PIBF1: variants seen among roughly 807,000 people sequenced by gnomAD.
The protein encoded by PIBF1 is progesterone-induced-blocking factor 1.
In PIBF1, 90 loss-of-function variants were observed where a neutral mutation model predicts 112.5. The observed-to-expected ratio is 0.80, with a 90% confidence interval of 0.67 to 0.95. The LOEUF (loss-of-function observed/expected upper bound fraction) is 0.95, where lower values mean the gene tolerates loss of function less well. Ranked by LOEUF, PIBF1 falls within the 40% of genes least tolerant of loss-of-function variation. The pLI, the probability that PIBF1 is intolerant of heterozygous loss-of-function variation, is 0.00. For synonymous variants in PIBF1, 301 were observed against 288.6 expected (o/e 1.04, Z -0.44); for missense variants, 915 against 852.3 (o/e 1.07, Z -0.92).
chr13:72,930,019 C>G (rs1184328351), intron 13 of PIBF1, among the ~76,000 whole-genome samples: 1 of 152,010 alleles, frequency 6.6e-6, no homozygotes, highest in Non-Finnish European at 1.5e-5. Context: ...ACCATCATGC[C>G]CAGCTAATTT....
At chr13:72,955,081 T>C (rs2042405460) in intron 14 of PIBF1, among the ~76,000 whole-genome samples, 1 of 152,212 alleles carries the variant, frequency 6.6e-6, no homozygotes, top group Non-Finnish European at 1.5e-5. Context: ...CTGTTACTTA[T>C]TTTTGAGGTT....
intron 3 of PIBF1, 66 bp from the exon 4 acceptor site, chr13:72,795,293 A>G (rs1459323206): frequency 1.0e-6 from 1 of 980,104 alleles, no homozygotes; most frequent in Non-Finnish European, 1.6e-6. Flanking sequence ...TATAAATAGG[A>G]AACTGTGAGA....
intron 9 of PIBF1, among the ~76,000 whole-genome samples, chr13:72,850,073 CTA>C (rs1320628170): frequency 4.6e-5 from 7 of 152,286 alleles, no homozygotes; most frequent in African/African-American, 1.7e-4. Flanking sequence ...AATAAAGTAT[CTA>C]TTTCTTATAA....
At chr13:72,878,593 T>G (rs2138479438) in intron 10 of PIBF1, among the ~76,000 whole-genome samples, 1 of 152,174 alleles carries the variant, frequency 6.6e-6, no homozygotes, top group East Asian at 1.9e-4. Flanking sequence ...CGTGTGAGCT[T>G]TAAAAGAATA....
At chr13:72,908,177 A>G (rs932593273) in intron 11 of PIBF1, among the ~76,000 whole-genome samples, 6 of 152,186 alleles carry the variant, frequency 3.9e-5, no homozygotes, top group African/African-American at 7.2e-5. Flanking sequence ...GCCTCTGTCA[A>G]ATGGCTTTGA....
At position 72,821,942 on chromosome 13, in the gene PIBF1, C is replaced by T; in HGVS notation, c.766C>T (p.Gln256Ter). 1 of 1,612,532 alleles carries T rather than the reference C, an allele frequency of 6.2e-7. No homozygotes were observed. The highest frequency in any genetic ancestry group is 8.5e-7 in the Non-Finnish European group (1 of 1,179,132). The change falls in exon 6 of 18, where the codon CAA becomes TAA. Residue 256 changes from glutamine to a stop codon, truncating the protein, a stop_gained. Coordinates refer to ENST00000326291, the MANE Select transcript of PIBF1 (RefSeq NM_006346.4). LOFTEE classifies it high-confidence loss of function. ...AGCAGACACAAAACAGTTAATTCAG[C>T]AAGGTGACTACCGTCAAGAGAACTA... ...ELADTKQLIQQGDYRQENYDK... is the reference protein window; with the variant it reads ...ELADTKQLIQ
At position 73,016,358 on chromosome 13, in the gene PIBF1, A is replaced by T. The variant is rs2044381068; in HGVS notation, c.*439A>T. On this transcript the variant is annotated 3_prime_UTR_variant, in exon 18 of 18. Transcript: ENST00000326291. ...GTGGTCAGATACCATGTAGATGGAT[A>T]CAGATTGTTGACTCTTTTGAAGTTG... 1 of 152,246 alleles carries T rather than the reference A, an allele frequency of 6.6e-6. No individual in the cohort carries two copies. Among genetic ancestry groups the T allele is most frequent in the Non-Finnish European group, 1.5e-5 (1 of 68,062 alleles). 9.4% of individuals were successfully genotyped at this position (152,246 alleles called of 1,614,324 possible).
intron 2 of PIBF1, 90 bp downstream of exon 2, chr13:72,783,811 TTGAAA>T (rs749204170): frequency 3.6e-5 from 41 of 1,135,030 alleles, no homozygotes; most frequent in Non-Finnish European, 5.0e-5. Context: ...TTATCTGAAC[TTGAAA>T]TGATACATTT....
At chr13:72,942,193 A>G (rs1425559936) in intron 14 of PIBF1, among the ~76,000 whole-genome samples, 1 of 149,420 alleles carries the variant, frequency 6.7e-6, no homozygotes, top group Non-Finnish European at 1.5e-5. Flanking sequence ...TCACATACCT[A>G]CCATGTGGCC....
intron 8 of PIBF1, among the ~76,000 whole-genome samples, chr13:72,830,637 GT>G: frequency 6.6e-6 from 1 of 152,254 alleles, no homozygotes; most frequent in South Asian, 2.1e-4. Flanking sequence ...CTTGATCATG[GT>G]GGATAAGCTT....
chr13:72,859,800 C>T (rs944001474), intron 10 of PIBF1, among the ~76,000 whole-genome samples: 3 of 152,060 alleles, frequency 2.0e-5, no homozygotes, highest in African/African-American at 7.2e-5. Flanking sequence ...AATTACCTTA[C>T]CTATAGAATT....
In PIBF1 at chr13:72,922,184, C is replaced by A. The variant is rs532479857; in HGVS notation, c.1730+5018C>A. 5.9e-5 allele frequency among the ~76,000 whole-genome samples: 9 copies of A among 151,990 alleles called. No individual in the cohort carries two copies. In the South Asian group the frequency reaches 1.7e-3, roughly 28 times the overall value. On this transcript the variant is annotated intron_variant, in intron 13 of 17. Transcript: ENST00000326291. ...GTAGAGACAGGGTCTTGCTGTGTTG[C>A]CCAGGCTGGTCTGGAGCTCCTGGCC...
chr13:72,986,701 T>TG (rs1491442815), intron 16 of PIBF1, among the ~76,000 whole-genome samples: 3 of 114,158 alleles, frequency 2.6e-5, no homozygotes, highest in African/African-American at 1.3e-4. Context: ...TTTTTTTTTT[T>TG]GAGACAGAGT....
intron 5 of PIBF1, among the ~76,000 whole-genome samples, chr13:72,814,896 G>A (rs1344922232): frequency 1.3e-5 from 2 of 152,166 alleles, no homozygotes; most frequent in East Asian, 3.8e-4. Flanking sequence ...AAAGTGAACT[G>A]TGCCAACAAA....
intron 10 of PIBF1, among the ~76,000 whole-genome samples, chr13:72,867,758 A>G (rs1477658608): frequency 1.3e-5 from 2 of 152,206 alleles, no homozygotes; most frequent in African/African-American, 4.8e-5. Flanking sequence ...GTGTGTTTTC[A>G]TTTTACAAAT....
Position 72,798,101 on chromosome 13 carries a change from G to A in PIBF1, c.672+75G>A, listed in dbSNP as rs78492284. On this transcript the variant is annotated intron_variant, in intron 5 of 17. Transcript: ENST00000326291. ...AGAGTCCCTCAGGATTTGTGATAAG[G>A]CATATAAAAGTCAGTGATTGAAAAA... The A allele has an allele frequency of 4.1e-3, 5,981 of 1,441,396 alleles. 219 individuals are homozygous for A. The African/African-American group carries it at 0.075, about 18-fold the overall frequency. The allele number at this position is 1,441,396 out of a possible 1,614,324, so 89.3% of individuals were successfully genotyped here. A position where few individuals can be genotyped will look rare whatever the true frequency, so the allele number is the denominator to read the frequency against.
chr13:72,976,845 G>C (rs1317052680), intron 16 of PIBF1, among the ~76,000 whole-genome samples: 1 of 152,122 alleles, frequency 6.6e-6, no homozygotes, highest in Non-Finnish European at 1.5e-5. Context: ...AGATAACATT[G>C]GTTAAGAATA....
rs1477669205 is a variant in PIBF1, at chr13:72,790,464, CTT to C, written c.253-1982_253-1981del. Among the ~76,000 whole-genome samples the C allele has an allele frequency of 3.1e-3, 423 of 137,466 alleles. 2 individuals are homozygous for C. The highest frequency in any genetic ancestry group is 0.013 in the South Asian group (55 of 4,306). 90.2% of individuals were successfully genotyped at this position (137,466 alleles called of 152,430 possible). On this transcript the variant is annotated intron_variant, in intron 2 of 17. Coordinates refer to ENST00000326291, the MANE Select transcript of PIBF1 (RefSeq NM_006346.4). ...ACACACACACACACACACACACACA[CTT>C]ATAGATAGATCACACACACCCTTAT...
intron 3 of PIBF1, among the ~76,000 whole-genome samples, chr13:72,793,151 G>A (rs1191322804): frequency 6.6e-6 from 1 of 152,086 alleles, no homozygotes; most frequent in African/African-American, 2.4e-5. Context: ...TCATGCCATT[G>A]TAAAGAAATT....
Sources: gnomAD v4.1 joint callset for allele counts (sites outside exome capture counted in the v4.1 genomes callset) on GRCh38, gnomAD v4.1.1 for gene constraint, MANE v1.5 for transcripts, NCBI Gene and HGNC (gene_info 2026-07-23, HGNC 2026-07-21) for gene names.